Variants in DDA1 observed in about 807,000 individuals in gnomAD.
The protein encoded by DDA1 is DET1 and DDB1 associated 1.
A neutral mutation model predicts 18.6 loss-of-function variants in DDA1; 3 were observed. The observed-to-expected ratio is 0.16, with a 90% confidence interval of 0.07 to 0.42. DDA1 has a LOEUF of 0.42. Ranked by LOEUF, DDA1 falls within the 10% of genes least tolerant of loss-of-function variation. The pLI, the probability that DDA1 is intolerant of heterozygous loss-of-function variation, is 0.99. For synonymous variants in DDA1, 52 were observed against 54.0 expected, an observed-to-expected ratio of 0.96 and a Z score of 0.17; for missense variants, 105 against 138.2, an observed-to-expected ratio of 0.76 and a Z score of 1.20.
In DDA1 at chr19:17,311,906, AC is replaced by A. The variant is rs1435330158; in HGVS notation, c.4-2112del. Among the ~76,000 whole-genome samples the A allele has an allele frequency of 2.0e-5, 3 of 150,404 alleles. No homozygotes were observed. In the East Asian group the frequency reaches 5.9e-4, roughly 29 times the overall value. On this transcript the variant is annotated intron_variant, in intron 1 of 4. Coordinates refer to ENST00000359866, the MANE Select transcript of DDA1 (RefSeq NM_024050.6). The stretch of plus-strand genomic sequence containing the variant: ...ATTTGTCTGGAATGAGGCCTCCCCC[AC>A]CCCCTGCCCCCATGTCTCGAGGCCT...
At position 17,322,388 on chromosome 19, in the gene DDA1, C is replaced by T. The variant is rs940735884; in HGVS notation, c.*2732C>T. 2.0e-5 allele frequency: 3 copies of T among 153,640 alleles called. No homozygotes were observed. Among genetic ancestry groups the T allele is most frequent in the African/African-American group, 4.8e-5 (2 of 41,456 alleles). The allele number at this position is 153,640 out of a possible 1,614,324, so 9.5% of individuals were successfully genotyped here. On this transcript the variant is annotated 3_prime_UTR_variant, in exon 5 of 5. Transcript: ENST00000359866. ...GGCCCCTGAGCCGGCCTCTGTCTAC[C>T]CCTCCTGCCTTTGGGGTCCCCTTTA... is the stretch of plus-strand genomic sequence containing the variant.
At position 17,322,979 on chromosome 19, in the gene DDA1, CTTAGAGATTCCTTCCTTTGTCT is replaced by C. The variant is rs1376917175; in HGVS notation, c.*3324_*3345del. 1 of 152,304 alleles carries C rather than the reference CTTAGAGATTCCTTCCTTTGTCT, an allele frequency of 6.6e-6. No individual in the cohort carries two copies. Among genetic ancestry groups the C allele is most frequent in the East Asian group, 1.9e-4 (1 of 5,204 alleles). The allele number at this position is 152,304 out of a possible 1,614,324, so 9.4% of individuals were successfully genotyped here. On this transcript the variant is annotated 3_prime_UTR_variant, in exon 5 of 5. Transcript: ENST00000359866. The stretch of plus-strand genomic sequence containing the variant: ...CACACATTGTCGCCTCTTTTCAGCA[CTTAGAGATTCCTTCCTTTGTCT>C]AGTGGCTGAAGCCAGGGCTGAAGTT...
At position 17,312,352 on chromosome 19, in the gene DDA1, G is replaced by C. The variant is rs1371335725; in HGVS notation, c.4-1671G>C. Among the ~76,000 whole-genome samples, 4 of 152,304 alleles carry C rather than the reference G, an allele frequency of 2.6e-5. No homozygotes were observed. In the East Asian group the frequency reaches 7.7e-4, roughly 29 times the overall value. Reference sequence around the variant, plus strand: ...ATGACCTCGCCGGGGTGTGAGGGAGGCTCTGGGAGAGGCTCCCGAAGTGTC... The same window carrying C: ...ATGACCTCGCCGGGGTGTGAGGGAGCCTCTGGGAGAGGCTCCCGAAGTGTC... On this transcript the variant is annotated intron_variant, in intron 1 of 4. Coordinates refer to ENST00000359866, the MANE Select transcript of DDA1 (RefSeq NM_024050.6).
intron 1 of DDA1, among the ~76,000 whole-genome samples, chr19:17,311,379 A>G (rs2074178218): frequency 6.6e-6 from 1 of 151,596 alleles, no homozygotes; most frequent in African/African-American, 2.4e-5. Flanking sequence ...CTGGTCTTGA[A>G]CTCCTGACCT....
intron 1 of DDA1, among the ~76,000 whole-genome samples, chr19:17,313,275 A>G (rs1028251172): frequency 1.3e-5 from 2 of 151,556 alleles, no homozygotes; most frequent in East Asian, 1.9e-4. Flanking sequence ...CTTGCCTTTG[A>G]TAGGGAGACA....
rs60467037 is a variant in DDA1 at position 17,315,301 on chromosome 19, CGT to C, written c.137-630_137-629del. On this transcript the variant is annotated intron_variant, in intron 3 of 4. Transcript: ENST00000359866. Reference sequence around the variant, plus strand: ...TATACACACACTATATATATACACACGTGTATATATATACACGCTATATATAT... The same window carrying C: ...TATACACACACTATATATATACACACGTATATATATACACGCTATATATAT... Among the ~76,000 whole-genome samples, 52 of 32,888 alleles carry C rather than the reference CGT, an allele frequency of 1.6e-3. 5 individuals carry two copies. Among genetic ancestry groups the C allele is most frequent in the African/African-American group, 5.9e-3 (28 of 4,744 alleles). 21.6% of individuals were successfully genotyped at this position (32,888 alleles called of 152,430 possible). A position where few individuals can be genotyped will look rare whatever the true frequency, so the allele number is the denominator to read the frequency against.
At chr19:17,318,469 G>T (rs2074224368) in intron 4 of DDA1, among the ~76,000 whole-genome samples, 1 of 152,136 alleles carries the variant, frequency 6.6e-6, no homozygotes, top group African/African-American at 2.4e-5. Flanking sequence ...GACCTCAGGT[G>T]ATCCACCCGC....
chr19:17,317,681 A>AG (rs1251978300), intron 4 of DDA1, among the ~76,000 whole-genome samples: 2 of 151,496 alleles, frequency 1.3e-5, no homozygotes, highest in Non-Finnish European at 2.9e-5. Flanking sequence ...AAAAAAAAAA[A>AG]AAAAAAACAA....
intron 1 of DDA1, 93 bp downstream of exon 1, chr19:17,309,750 C>T (rs1054862407): frequency 3.3e-6 from 5 of 1,494,268 alleles, no homozygotes; most frequent in South Asian, 2.6e-5. Context: ...GGCCCCTCTC[C>T]GTTCTGCCCG....
At chr19:17,315,870 C>T in intron 3 of DDA1, 64 bp from the exon 4 acceptor site, 2 of 1,493,526 alleles carry the variant, frequency 1.3e-6, no homozygotes, top group Non-Finnish European at 1.9e-6. Flanking sequence ...CCTCCCAGGG[C>T]AGTGTCAGGG....
chr19:17,313,022 C>A (rs961672324), intron 1 of DDA1, among the ~76,000 whole-genome samples: 1 of 152,074 alleles, frequency 6.6e-6, no homozygotes, highest in Non-Finnish European at 1.5e-5. Context: ...GCTGTTCCTG[C>A]CTGTCCCAGA....
rs57148595 is a variant in DDA1, at chr19:17,313,433, C to CTTT, written c.4-565_4-563dup. Among the ~76,000 whole-genome samples the CTTT allele has an allele frequency of 4.6e-4, 38 of 82,544 alleles. 2 individuals carry two copies. Among genetic ancestry groups the CTTT allele is most frequent in the Middle Eastern group, 7.8e-3 (1 of 128 alleles). The allele number at this position is 82,544 out of a possible 152,430, so 54.2% of individuals were successfully genotyped here. On this transcript the variant is annotated intron_variant, in intron 1 of 4. Coordinates refer to ENST00000359866, the MANE Select transcript of DDA1 (RefSeq NM_024050.6). ...ACTCACAGGGTTGGATTGAAAATGG[C>CTTT]TTTTTTTTTTTTTTTTTTTTTTTTT...
chr19:17,315,913 T>G (rs779175022), intron 3 of DDA1, 21 bp from the exon 4 acceptor site: 14 of 1,613,834 alleles, frequency 8.7e-6, no homozygotes, highest in Non-Finnish European at 1.1e-5. Context: ...GTCTGCGACT[T>G]TCTCTATCTT....
rs1003855009 is a variant in DDA1 at position 17,322,504 on chromosome 19, T to A, written c.*2848T>A. On this transcript the variant is annotated 3_prime_UTR_variant, in exon 5 of 5. Coordinates refer to ENST00000359866, the MANE Select transcript of DDA1 (RefSeq NM_024050.6). ...AGTGAACTCTGACTTCTCCACAGCC[T>A]CCCAAAGGGCCCCTTGCTCACACTG... 7 of 152,606 alleles carry A rather than the reference T, an allele frequency of 4.6e-5. No homozygotes were observed. The highest frequency in any genetic ancestry group is 7.3e-5 in the Non-Finnish European group (5 of 68,342). 9.5% of individuals were successfully genotyped at this position (152,606 alleles called of 1,614,324 possible).
In DDA1 at chr19:17,319,639, A is replaced by G. The variant is rs2074230215; in HGVS notation, c.292A>G (p.Met98Val). Residue 98 changes from methionine (M) to valine (V), a missense_variant, in exon 5 of 5, where the codon ATG (methionine) becomes GTG (valine). Physicochemically the swap from Met to Val is conservative, Grantham distance 21. Coordinates refer to ENST00000359866, the MANE Select transcript of DDA1 (RefSeq NM_024050.6). ...GGTGGCGCGGACCGACAGCCCAGAC[A>G]TGCACGAGGACACTTAAGACTCTCA... Reference protein sequence around the residue: ...RKVARTDSPDMHEDT With the variant: ...RKVARTDSPDVHEDT 3 of 1,572,236 alleles carry G rather than the reference A, an allele frequency of 1.9e-6. No individual in the cohort carries two copies. Among genetic ancestry groups the G allele is most frequent in the Admixed American group, 1.9e-5 (1 of 53,638 alleles).
Position 17,314,148 on chromosome 19 carries a change from G to C in DDA1, c.84+45G>C. ...ACTGGGAGGAATTGGTCACTTCCAGGGGGCCTGGGGGCAGCTTGTGTCCCC... is the reference window on the plus strand; with the variant it reads ...ACTGGGAGGAATTGGTCACTTCCAGCGGGCCTGGGGGCAGCTTGTGTCCCC... On this transcript the variant is annotated intron_variant, in intron 2 of 4. Transcript: ENST00000359866. This position sits in a 1 kb window ranked among gnomAD's most constrained non-coding sequence, Gnocchi z 4.6. The C allele has an allele frequency of 4.4e-6, 7 of 1,599,612 alleles. No homozygotes were observed. The highest frequency in any genetic ancestry group is 6.0e-6 in the Non-Finnish European group (7 of 1,167,520).
chr19:17,315,245 A>ACACACACACG (rs1256847736), intron 3 of DDA1, among the ~76,000 whole-genome samples: 2 of 80,356 alleles, frequency 2.5e-5, no homozygotes, highest in South Asian at 3.3e-4. Context: ...ACACGTGTAT[A>ACACACACACG]TACACACACG....
At chr19:17,315,378 C>CGT (rs1491469924) in intron 3 of DDA1, among the ~76,000 whole-genome samples, 1 of 80,856 alleles carries the variant, frequency 1.2e-5, no homozygotes, top group Non-Finnish European at 2.7e-5. Context: ...TATATACACA[C>CGT]GTATATATAT....
chr19:17,320,210 G>A lies in DDA1; in HGVS notation c.*554G>A, dbSNP rs2074233674. ...CACGTTGGGGAGAAGTCGGCCCTTG[G>A]GATCTTTCTCTTGAGTCATTTTATT... On this transcript the variant is annotated 3_prime_UTR_variant, in exon 5 of 5. Transcript: ENST00000359866. 6.5e-6 allele frequency: 1 copy of A among 152,736 alleles called. No homozygotes were observed. The highest frequency in any genetic ancestry group is 2.4e-5 in the African/African-American group (1 of 41,470). The allele number at this position is 152,736 out of a possible 1,614,324, so 9.5% of individuals were successfully genotyped here.
Sources: gnomAD v4.1 joint callset for allele counts (sites outside exome capture counted in the v4.1 genomes callset) on GRCh38, gnomAD v4.1.1 for gene constraint, Gnocchi (gnomAD v3.1) non-coding constraint, MANE v1.5 for transcripts, NCBI Gene and HGNC (gene_info 2026-07-23, HGNC 2026-07-21) for gene names.